Variants in ATL2 observed in about 807,000 individuals in gnomAD.
The protein encoded by ATL2 is atlastin-2.
In ATL2, 31 loss-of-function variants were observed where a neutral mutation model predicts 73.9. The ratio of observed to expected loss-of-function variants is 0.42; its 90% CI spans 0.32 to 0.57. ATL2 has a LOEUF of 0.57. ATL2 is among the 20% of genes least tolerant of loss of function. The pLI, the probability that ATL2 is intolerant of heterozygous loss-of-function variation, is 0.14. For missense variants in ATL2, 738 were observed against 702.6 expected, an observed-to-expected ratio of 1.05 and a Z score of -0.57; for synonymous variants, 291 against 237.5, an observed-to-expected ratio of 1.23 and a Z score of -2.07.
At chr2:38,321,007 T>G (rs75302956) in intron 2 of ATL2, among the ~76,000 whole-genome samples, 3 of 149,128 alleles carry the variant, frequency 2.0e-5, no homozygotes, top group African/African-American at 7.5e-5. Context: ...AAAAAAAAAT[T>G]AGCCAGGCGT....
At chr2:38,325,692 A>AG (rs1668590249) in intron 2 of ATL2, among the ~76,000 whole-genome samples, 1 of 58,546 alleles carries the variant, frequency 1.7e-5, no homozygotes, top group Non-Finnish European at 2.7e-5. Flanking sequence ...ACACACACAC[A>AG]CACCAGTACA....
chr2:38,319,345 T>A (rs1311632549), intron 2 of ATL2, among the ~76,000 whole-genome samples: 3 of 152,168 alleles, frequency 2.0e-5, no homozygotes. Context: ...ATGCCTGTAA[T>A]CCCAGCACTT....
intron 2 of ATL2, among the ~76,000 whole-genome samples, chr2:38,334,258 G>A (rs1175728397): frequency 1.3e-5 from 2 of 151,512 alleles, no homozygotes; most frequent in African/African-American, 2.4e-5. Flanking sequence ...TTGAACTCCT[G>A]GCCTCAAGCA....
chr2:38,356,877 A>G (rs1216349177), intron 1 of ATL2, among the ~76,000 whole-genome samples: 1 of 152,216 alleles, frequency 6.6e-6, no homozygotes, highest in African/African-American at 2.4e-5. Flanking sequence ...TTTTAAAGAA[A>G]TGTTTAAATT....
intron 1 of ATL2, among the ~76,000 whole-genome samples, chr2:38,349,401 T>A (rs948703153): frequency 6.6e-6 from 1 of 151,108 alleles, no homozygotes; most frequent in Admixed American, 6.6e-5. Context: ...GAAATCATCA[T>A]TCTCAGTAAA....
At chr2:38,329,356 A>G (rs1027502861) in intron 2 of ATL2, among the ~76,000 whole-genome samples, 1 of 133,556 alleles carries the variant, frequency 7.5e-6, no homozygotes, top group Non-Finnish European at 1.6e-5. Flanking sequence ...GGAACTCAGG[A>G]GGCAGAGGGT....
At position 38,343,521 on chromosome 2, in the gene ATL2, TA is replaced by T. The variant is rs776981244; in HGVS notation, c.119-10del. On this transcript the variant is annotated splice_polypyrimidine_tract_variant and intron_variant, in intron 1 of 12. Coordinates refer to ENST00000378954, the MANE Select transcript of ATL2 (RefSeq NM_001135673.4). Reference sequence around the variant, plus strand: ...ATCTTCATAATTCTCACCTAGAATTTAAAAAGAAAGAAACTGGTTACTTTAA... The same window carrying T: ...ATCTTCATAATTCTCACCTAGAATTTAAAAGAAAGAAACTGGTTACTTTAA... 6.3e-7 allele frequency: 1 copy of T among 1,598,984 alleles called. No homozygotes were observed. Among genetic ancestry groups the T allele is most frequent in the South Asian group, 1.1e-5 (1 of 88,508 alleles).
intron 2 of ATL2, among the ~76,000 whole-genome samples, chr2:38,322,861 AGAGT>A (rs1177182047): frequency 1.3e-5 from 2 of 152,204 alleles, no homozygotes; most frequent in East Asian, 1.9e-4. Context: ...CCTGGATGAC[AGAGT>A]GAGAGACCCT....
intron 4 of ATL2, among the ~76,000 whole-genome samples, chr2:38,315,638 C>A (rs1455222521): frequency 6.6e-6 from 1 of 152,104 alleles, no homozygotes; most frequent in Non-Finnish European, 1.5e-5. Context: ...TGTACTCCTT[C>A]TCTAAGCTCT....
intron 1 of ATL2, among the ~76,000 whole-genome samples, chr2:38,352,856 C>T (rs996831185): frequency 2.0e-5 from 3 of 152,178 alleles, no homozygotes; most frequent in South Asian, 2.1e-4. Flanking sequence ...CTGCAAGGTA[C>T]ACAGTTTGGA....
upstream of ATL2, chr2:38,377,277 A>C (rs545093919): frequency 6.5e-7 from 1 of 1,547,066 alleles, no homozygotes; most frequent in Non-Finnish European, 8.7e-7. Context: ...CCGATTTAAA[A>C]TTAACTCCCC....
chr2:38,374,403 A>C (rs1295773234), intron 1 of ATL2, among the ~76,000 whole-genome samples: 3 of 152,226 alleles, frequency 2.0e-5, no homozygotes, highest in Non-Finnish European at 2.9e-5. Context: ...TTGAAAACCC[A>C]AAATGTCTAC....
intron 2 of ATL2, among the ~76,000 whole-genome samples, chr2:38,333,282 A>C (rs1000604865): frequency 6.6e-6 from 1 of 152,104 alleles, no homozygotes; most frequent in African/African-American, 2.4e-5. Context: ...GAGCGAGACG[A>C]TATCTCTAAA....
chr2:38,325,689 C>CCAGA (rs1668588032), intron 2 of ATL2, among the ~76,000 whole-genome samples: 3 of 69,586 alleles, frequency 4.3e-5, no homozygotes, highest in Non-Finnish European at 7.0e-5. Flanking sequence ...CACACACACA[C>CCAGA]ACACACCAGT....
chr2:38,348,313 A>G (rs1670141654), intron 1 of ATL2, among the ~76,000 whole-genome samples: 1 of 151,840 alleles, frequency 6.6e-6, no homozygotes, highest in Non-Finnish European at 1.5e-5. Context: ...CTAAAAATAC[A>G]AAATTAGCCA....
intron 1 of ATL2, among the ~76,000 whole-genome samples, chr2:38,368,159 C>T (rs887923366): frequency 2.0e-5 from 3 of 151,322 alleles, no homozygotes; most frequent in African/African-American, 4.9e-5. Flanking sequence ...TGGCCTCTAT[C>T]TCCTGACCTC....
intron 1 of ATL2, among the ~76,000 whole-genome samples, chr2:38,349,694 G>GA (rs373723983): frequency 1.8e-4 from 26 of 146,962 alleles, no homozygotes; most frequent in South Asian, 4.4e-4. Flanking sequence ...AATAAAATAG[G>GA]AAAAAAAAAA....
intron 1 of ATL2, among the ~76,000 whole-genome samples, chr2:38,360,273 T>TTTTTTTTTTTA (rs1670933894): frequency 6.6e-6 from 1 of 151,258 alleles, no homozygotes; most frequent in African/African-American, 2.4e-5. Flanking sequence ...TTTTTTTTTT[T>TTTTTTTTTTTA]AAGATTTTGG....
intron 2 of ATL2, among the ~76,000 whole-genome samples, chr2:38,324,909 G>C (rs1668512560): frequency 1.3e-5 from 2 of 152,208 alleles, no homozygotes; most frequent in South Asian, 2.1e-4. Flanking sequence ...GTGTTTAATG[G>C]GCACAGAGCT....
Sources: gnomAD v4.1 joint callset for allele counts (sites outside exome capture counted in the v4.1 genomes callset) on GRCh38, gnomAD v4.1.1 for gene constraint, MANE v1.5 for transcripts, NCBI Gene and HGNC (gene_info 2026-07-23, HGNC 2026-07-21) for gene names.